Variants in RGS3 observed in about 807,000 individuals in gnomAD.
RGS3 encodes regulator of G-protein signalling 3.
Under a neutral mutation model 132.6 loss-of-function variants are expected in RGS3, and 80 were observed. That is an observed-to-expected ratio of 0.60 (90% confidence interval 0.50 to 0.73). The LOEUF (loss-of-function observed/expected upper bound fraction) is 0.73, where lower values mean the gene tolerates loss of function less well. Ranked by LOEUF, RGS3 falls within the 30% of genes least tolerant of loss-of-function variation. The pLI, the probability that RGS3 is intolerant of heterozygous loss-of-function variation, is 0.00. For synonymous variants in RGS3, 598 were observed against 620.6 expected (o/e 0.96, Z 0.54); for missense variants, 1,382 against 1,530.8 (o/e 0.90, Z 1.62).
At chr9:113,447,334 T>TATATATATATATATATATATATAC (rs1829131795) in intron 1 of RGS3, among the ~76,000 whole-genome samples, 1 of 74,478 alleles carries the variant, frequency 1.3e-5, no homozygotes, top group Non-Finnish European at 2.9e-5. Context: ...TATATGTATA[T>TATATATATATATATATATATATAC]ATATATATAT....
At chr9:113,451,127 G>C (rs1196842896) in intron 1 of RGS3, among the ~76,000 whole-genome samples, 1 of 148,794 alleles carries the variant, frequency 6.7e-6, no homozygotes, top group African/African-American at 2.5e-5. Context: ...GCAGTGAGCC[G>C]AGATCACACC....
rs909952378 is a variant in RGS3, at chr9:113,536,473, C to T, written c.1915-323C>T. 1.7e-5 allele frequency: 18 copies of T among 1,037,054 alleles called. No individual in the cohort carries two copies. In the African/African-American group the frequency reaches 3.0e-4, roughly 18 times the overall value. The allele number at this position is 1,037,054 out of a possible 1,614,324, so 64.2% of individuals were successfully genotyped here. ...TTCCCACGTGCTCCCTCAGCTGCTGCTTTGTGCTGCCTGCCCCTGGGGGTG... is the reference window on the plus strand; with the variant it reads ...TTCCCACGTGCTCCCTCAGCTGCTGTTTTGTGCTGCCTGCCCCTGGGGGTG... On this transcript the variant is annotated intron_variant, in intron 18 of 24. Transcript: ENST00000350696.
In RGS3 at chr9:113,595,072, C is replaced by T. The variant is rs1478401888; in HGVS notation, c.3244+92C>T. The T allele has an allele frequency of 4.1e-5, 50 of 1,213,278 alleles. No individual in the cohort carries two copies. The Middle Eastern group carries it at 9.4e-4, about 23-fold the overall frequency. 75.2% of individuals were successfully genotyped at this position (1,213,278 alleles called of 1,614,324 possible). A position where few individuals can be genotyped will look rare whatever the true frequency, so the allele number is the denominator to read the frequency against. On this transcript the variant is annotated intron_variant, in intron 23 of 24. Coordinates refer to ENST00000350696, the Ensembl canonical transcript of RGS3. The stretch of plus-strand genomic sequence containing the variant: ...CCTGTGTAGCTGGTGCTAGAGAGGC[C>T]GCCTTCCCTCTCCTCGGCCGTCAGG...
chr9:113,448,805 T>G (rs1424506923), intron 1 of RGS3, among the ~76,000 whole-genome samples: 1 of 152,152 alleles, frequency 6.6e-6, no homozygotes. Flanking sequence ...AATCCAGCAG[T>G]GTGAGGTAAG....
chr9:113,454,794 A>G (rs1829330826), intron 1 of RGS3, among the ~76,000 whole-genome samples: 1 of 151,320 alleles, frequency 6.6e-6, no homozygotes, highest in African/African-American at 2.4e-5. Context: ...AATACCTCCT[A>G]AGGAATTAGA....
chr9:113,541,356 G>C, intron 19 of RGS3: 3 of 1,613,830 alleles, frequency 1.9e-6, no homozygotes, highest in Non-Finnish European at 2.5e-6. Flanking sequence ...GCAGGAGATG[G>C]GGCCGGTCAA....
chr9:113,580,872 G>T (rs1442407861), intron 19 of RGS3: 20 of 985,590 alleles, frequency 2.0e-5, no homozygotes, highest in Non-Finnish European at 2.4e-5. Flanking sequence ...ACAGGCCTGG[G>T]CCCCACCCTC....
chr9:113,474,533 G>C (rs1355802618), intron 3 of RGS3, among the ~76,000 whole-genome samples: 5 of 152,188 alleles, frequency 3.3e-5, no homozygotes, highest in Admixed American at 6.5e-5. Flanking sequence ...AGACCACAGA[G>C]AGAGGGCGTG....
Position 113,463,869 on chromosome 9 carries a change from C to T in RGS3, c.415+1668C>T. On this transcript the variant is annotated intron_variant, in intron 3 of 24. Coordinates refer to ENST00000350696, the Ensembl canonical transcript of RGS3. This position sits in a 1 kb window ranked among gnomAD's most constrained non-coding sequence, Gnocchi z 4.6. ...TGCCCACCCGGACTTGTCCTTCTAC[C>T]TCACCACCTTTGGTAAGTGCCCGCT... 14 of 1,613,162 alleles carry T rather than the reference C, an allele frequency of 8.7e-6. No homozygotes were observed. The highest frequency in any genetic ancestry group is 1.7e-5 in the Admixed American group (1 of 59,962).
At chr9:113,461,980 T>A in intron 2 of RGS3, 5 of 1,604,652 alleles carry the variant, frequency 3.1e-6, no homozygotes, top group Non-Finnish European at 4.3e-6. Flanking sequence ...TGGAGCATCT[T>A]CAGGCCATGG....
chr9:113,558,294 G>A (rs752768038), intron 19 of RGS3, among the ~76,000 whole-genome samples: 24 of 152,324 alleles, frequency 1.6e-4, no homozygotes, highest in Admixed American at 3.9e-4. Flanking sequence ...TTGAGGTCAG[G>A]AGTTCGAGAC....
chr9:113,506,476 G>T lies in RGS3; in HGVS notation c.1068G>T (p.Glu356Asp). Residue 356 changes from glutamate (E) to aspartate (D), a missense_variant, in exon 12 of 25, where the codon GAG becomes GAT. Transcript: ENST00000350696. This position sits in a 1 kb window ranked among gnomAD's most constrained non-coding sequence, Gnocchi z 4.7. ...CTGTGGAGCACTGGAAATGTGTGGAGCTGGCCCACGAGATCCGGTGACAGG... is the reference window on the plus strand; with the variant it reads ...CTGTGGAGCACTGGAAATGTGTGGATCTGGCCCACGAGATCCGGTGACAGG... The T allele has an allele frequency of 6.3e-7, 1 of 1,592,358 alleles. No individual in the cohort carries two copies. The highest frequency in any genetic ancestry group is 1.8e-5 in the Admixed American group (1 of 55,960).
chr9:113,515,121 C>T (rs541541590), intron 15 of RGS3, among the ~76,000 whole-genome samples: 1 of 152,142 alleles, frequency 6.6e-6, no homozygotes, highest in East Asian at 1.9e-4. Context: ...TTCACTAGAT[C>T]GCTCTTATTC....
intron 1 of RGS3, among the ~76,000 whole-genome samples, chr9:113,451,869 C>A (rs1366456897): frequency 6.6e-6 from 1 of 151,980 alleles, no homozygotes; most frequent in Non-Finnish European, 1.5e-5. Flanking sequence ...ACTAACATTT[C>A]TTGTAGCGCA....
intron 17 of RGS3, 49 bp from the exon 16 acceptor site, chr9:113,529,171 AG>A (rs1186494065): frequency 1.4e-6 from 2 of 1,448,792 alleles, no homozygotes; most frequent in Admixed American, 3.3e-5. Flanking sequence ...CAAACTGCTG[AG>A]GCTCTTTATC....
At chr9:113,538,976 C>T (rs1430152261) in intron 19 of RGS3, among the ~76,000 whole-genome samples, 1 of 152,230 alleles carries the variant, frequency 6.6e-6, no homozygotes, top group Non-Finnish European at 1.5e-5. Flanking sequence ...CCATCCCTAT[C>T]ACCACCATGC....
chr9:113,461,664 G>C, intron 1 of RGS3: 1 of 1,586,494 alleles, frequency 6.3e-7, no homozygotes, highest in Non-Finnish European at 8.6e-7. Context: ...TCCCATTACC[G>C]GGTGTAAGTG....
rs1830351185 is a variant in RGS3, at chr9:113,486,998, A to T, written c.689+1305A>T. Among the ~76,000 whole-genome samples, 3 of 149,426 alleles carry T rather than the reference A, an allele frequency of 2.0e-5. No individual in the cohort carries two copies. In the Admixed American group the frequency reaches 2.0e-4, roughly 10 times the overall value. On this transcript the variant is annotated intron_variant, in intron 7 of 24. Transcript: ENST00000350696. ...TATCGGATCACCGATAGAGACTTGG[A>T]GCTGAGAGTGAGGAGGGGGACGTCA...
chr9:113,523,517 C>T (rs1043800974), intron 17 of RGS3, among the ~76,000 whole-genome samples: 2 of 152,334 alleles, frequency 1.3e-5, no homozygotes, highest in South Asian at 2.1e-4. Context: ...GCCACCCACT[C>T]ACCCCACAGA....
Sources: gnomAD v4.1 joint callset for allele counts (sites outside exome capture counted in the v4.1 genomes callset) on GRCh38, gnomAD v4.1.1 for gene constraint, Gnocchi (gnomAD v3.1) non-coding constraint, MANE v1.5 for transcripts, NCBI Gene and HGNC (gene_info 2026-07-23, HGNC 2026-07-21) for gene names.